FAM186B: variants seen among roughly 807,000 people sequenced by gnomAD.
FAM186B encodes the protein protein FAM186B.
FAM186B carries 68 observed loss-of-function variants against 83.4 expected under a neutral mutation model. The ratio of observed to expected loss-of-function variants is 0.81; its 90% CI spans 0.67 to 1.00. The LOEUF is 1.00. FAM186B is among the 50% of genes least tolerant of loss of function. The pLI is 0.00. For synonymous variants in FAM186B, 389 were observed against 422.0 expected (o/e 0.92, Z 0.96); for missense variants, 983 against 1,099.2 (o/e 0.89, Z 1.49).
At chr12:49,618,633 G>T in the FAM186B span, among the ~76,000 whole-genome samples, 22 of 152,040 alleles carry the variant, frequency 1.4e-4, no homozygotes, top group Admixed American at 4.6e-4. Context: ...AGGACAATTC[G>T]GAGAATAAAA....
At chr12:49,621,220 T>G in the FAM186B span, among the ~76,000 whole-genome samples, 1 of 152,120 alleles carries the variant, frequency 6.6e-6, no homozygotes, top group Middle Eastern at 3.4e-3. Flanking sequence ...CCATCTCTAC[T>G]AAAAATACAA....
Position 49,598,942 on chromosome 12 carries a change from T to G in FAM186B, c.2177A>C (p.Glu726Ala). ...CATGATTTGTACATGGTTGATCGCT[T>G]CTTGCCTGGGAAAAGAGGAGAAGCA... ...FYRRLQSLRQ[E>A]AINHVQIMKE... The change falls in exon 5 of 7, where the codon GAA (glutamate) becomes GCA (alanine). Residue 726 changes from glutamate to alanine, a missense_variant. Transcript: ENST00000257894. The G allele has an allele frequency of 1.2e-6, 2 of 1,613,596 alleles. No individual in the cohort carries two copies. Among genetic ancestry groups the G allele is most frequent in the Non-Finnish European group, 1.7e-6 (2 of 1,179,786 alleles).
In FAM186B at chr12:49,601,112, C is replaced by T. The variant is rs1019788690; in HGVS notation, c.528G>A (p.Gln176=). 6.4e-7 allele frequency: 1 copy of T among 1,572,166 alleles called. No homozygotes were observed. Among genetic ancestry groups the T allele is most frequent in the East Asian group, 2.3e-5 (1 of 44,266 alleles). The part of the protein sequence containing the change: ...RSQVSKRTFW[Q]GWQGRSPQTS... ...TCTGTGGGCTTCTTCCCTGCCAGCC[C>T]TGCCAGAAGGTGCGTTTGGACACTG... Residue 176 remains glutamine, a synonymous_variant, in exon 4 of 7, where the codon CAG becomes CAA. Coordinates refer to ENST00000257894, the MANE Select transcript of FAM186B (RefSeq NM_032130.3).
At chr12:49,605,301 A>C in intron 1 of FAM186B, 81 bp downstream of exon 1, 1 of 1,556,014 alleles carries the variant, frequency 6.4e-7, no homozygotes, top group Non-Finnish European at 8.7e-7. Flanking sequence ...CAGAGCTGGA[A>C]TCTCACTCAA....
intron 4 of FAM186B, 63 bp downstream of exon 4, chr12:49,599,406 G>C (rs781129284): frequency 7.6e-5 from 113 of 1,491,562 alleles, no homozygotes; most frequent in Non-Finnish European, 9.8e-5. Context: ...TCTCCCACTG[G>C]GTTTAGGCTC....
chr12:49,619,824 G>A, the FAM186B span, among the ~76,000 whole-genome samples: 73 of 151,768 alleles, frequency 4.8e-4, no homozygotes, highest in South Asian at 6.7e-3. Context: ...ACAGGTGATC[G>A]CCACCACGCC....
intron 6 of FAM186B, 36 bp from the exon 7 acceptor site, chr12:49,587,788 CAG>C (rs781357623): frequency 3.1e-6 from 5 of 1,589,148 alleles, no homozygotes; most frequent in Non-Finnish European, 4.3e-6. Flanking sequence ...TGAAAAGCAA[CAG>C]AGAGAGATTG....
At chr12:49,614,845 C>G in the FAM186B span, among the ~76,000 whole-genome samples, 1 of 152,046 alleles carries the variant, frequency 6.6e-6, no homozygotes, top group South Asian at 2.1e-4. Context: ...GGACTACACA[C>G]TGGGGCCGGG....
chr12:49,587,793 A>G lies in FAM186B; in HGVS notation c.2535-41T>C. On this transcript the variant is annotated intron_variant, in intron 6 of 6. Transcript: ENST00000257894. ...TTGGAGAATGTGAAAAGCAACAGAG[A>G]GAGATTGAGATGCAAGAGACTCTCC... The G allele has an allele frequency of 3.2e-6, 5 of 1,583,030 alleles. No homozygotes were observed. The South Asian group carries it at 4.7e-5, about 15-fold the overall frequency.
upstream of FAM186B, among the ~76,000 whole-genome samples, chr12:49,607,108 T>C (rs1264691441): frequency 6.6e-6 from 1 of 151,952 alleles, no homozygotes; most frequent in African/African-American, 2.4e-5. Context: ...ATTTTGAGGA[T>C]GCTGCCAAAT....
the FAM186B span, among the ~76,000 whole-genome samples, chr12:49,615,349 A>G: frequency 6.6e-6 from 1 of 152,256 alleles, no homozygotes; most frequent in Non-Finnish European, 1.5e-5. Context: ...ACAACAAAAG[A>G]AAATGAATTG....
the FAM186B span, among the ~76,000 whole-genome samples, chr12:49,619,808 A>G: frequency 6.7e-6 from 1 of 149,756 alleles, no homozygotes; most frequent in Admixed American, 6.8e-5. Context: ...CTGAGTAGCT[A>G]GGATTACAGG....
chr12:49,600,566 T>G lies in FAM186B; in HGVS notation c.1074A>C (p.Gln358His), dbSNP rs1045758382. ...PRKETVMEES[Q>H]QEPMKEEQLF... ...ACTGCTCCTCCTTCATCGGTTCCTGTTGGCTTTCCTCCATGACTGTTTCTT... is the reference window on the plus strand; with the variant it reads ...ACTGCTCCTCCTTCATCGGTTCCTGGTGGCTTTCCTCCATGACTGTTTCTT... The change falls in exon 4 of 7, where the codon CAA becomes CAC. Residue 358 changes from glutamine to histidine, a missense_variant. Coordinates refer to ENST00000257894, the MANE Select transcript of FAM186B (RefSeq NM_032130.3). This position sits in a 1 kb window ranked among gnomAD's most constrained non-coding sequence, Gnocchi z 4.3. The G allele has an allele frequency of 5.6e-6, 9 of 1,613,544 alleles. No homozygotes were observed. Among genetic ancestry groups the G allele is most frequent in the Non-Finnish European group, 7.6e-6 (9 of 1,179,756 alleles).
Position 49,604,377 on chromosome 12 carries a change from G to A in FAM186B, c.258C>T (p.Phe86=). ...RFILLEKIAS[F]SKDAMMKEKH... ...TCTCCTTCATCATAGCATCTTTGGA[G>A]AAGGAGGCAATTTTTTCCAGCAAGA... The change falls in exon 2 of 7, where the codon TTC becomes TTT. Residue 86 remains phenylalanine, a synonymous_variant. Coordinates refer to ENST00000257894, the MANE Select transcript of FAM186B (RefSeq NM_032130.3). The A allele has an allele frequency of 1.2e-6, 2 of 1,614,258 alleles. No homozygotes were observed. Among genetic ancestry groups the A allele is most frequent in the Non-Finnish European group, 1.7e-6 (2 of 1,180,044 alleles).
At chr12:49,613,542 A>G in the FAM186B span, among the ~76,000 whole-genome samples, 1 of 146,278 alleles carries the variant, frequency 6.8e-6, no homozygotes, top group South Asian at 2.2e-4. Flanking sequence ...AAAAAAAAAA[A>G]GTTAGATCTC....
upstream of FAM186B, among the ~76,000 whole-genome samples, chr12:49,606,975 T>A (rs897506986): frequency 6.6e-6 from 1 of 152,252 alleles, no homozygotes; most frequent in Non-Finnish European, 1.5e-5. Context: ...GAGAGATCTT[T>A]GGAAAATTCC....
chr12:49,619,413 C>A, the FAM186B span: 2 of 502,134 alleles, frequency 4.0e-6, no homozygotes, highest in South Asian at 5.9e-5. Context: ...AAAGAGGCAC[C>A]ATTCATCCCC....
In FAM186B at chr12:49,587,865, C is replaced by T; in HGVS notation, c.2535-113G>A. 5.8e-6 allele frequency: 7 copies of T among 1,196,982 alleles called. No homozygotes were observed. In the South Asian group the frequency reaches 7.7e-5, roughly 13 times the overall value. The allele number at this position is 1,196,982 out of a possible 1,614,324, so 74.1% of individuals were successfully genotyped here. A position where few individuals can be genotyped will look rare whatever the true frequency, so the allele number is the denominator to read the frequency against. On this transcript the variant is annotated intron_variant, in intron 6 of 6. Coordinates refer to ENST00000257894, the MANE Select transcript of FAM186B (RefSeq NM_032130.3). Reference sequence around the variant, plus strand: ...GCTTTGTCTCCTTCCCTTCTCAAATCGAGTGTGTCACTGCCCTCCTCATCT... The same window carrying T: ...GCTTTGTCTCCTTCCCTTCTCAAATTGAGTGTGTCACTGCCCTCCTCATCT...
At chr12:49,605,753 C>CTTTTTTTTTTTTTTTTTTTT (rs200117345), upstream of FAM186B, 4 of 228,830 alleles carry the variant, frequency 1.7e-5, 2 homozygotes, top group African/African-American at 5.7e-5. Flanking sequence ...GACTTGTTGC[C>CTTTTTTTTTTTTTTTTTTTT]TTTTCTTTTT....
Sources: allele counts gnomAD v4.1 joint callset (sites outside exome capture counted in the v4.1 genomes callset), GRCh38; gene constraint gnomAD v4.1.1; non-coding constraint Gnocchi (gnomAD v3.1); transcripts MANE v1.5; gene names NCBI Gene and HGNC (gene_info 2026-07-23, HGNC 2026-07-21).